The following SEL1L variants were observed in gnomAD, a reference collection of about 807,000 sequenced individuals.
The protein encoded by SEL1L is SEL1L adaptor subunit of SYVN1 ubiquitin ligase.
SEL1L carries 52 observed loss-of-function variants against 109.8 expected under a neutral mutation model. The ratio of observed to expected loss-of-function variants is 0.47; its 90% CI spans 0.38 to 0.60. The LOEUF is 0.60. Ranked by LOEUF, SEL1L falls within the 20% of genes least tolerant of loss-of-function variation. The pLI, the probability that SEL1L is intolerant of heterozygous loss-of-function variation, is 0.00. For missense variants in SEL1L, 749 were observed against 962.2 expected, an observed-to-expected ratio of 0.78 and a Z score of 2.93; for synonymous variants, 373 against 339.6, an observed-to-expected ratio of 1.10 and a Z score of -1.08.
In SEL1L at chr14:81,479,709, A is replaced by G; in HGVS notation, c.2078T>C (p.Met693Thr). 1 of 1,613,818 alleles carries G rather than the reference A, an allele frequency of 6.2e-7. No homozygotes were observed. Among genetic ancestry groups the G allele is most frequent in the Non-Finnish European group, 8.5e-7 (1 of 1,179,902 alleles). Residue 693 changes from methionine to threonine, a missense_variant, in exon 20 of 21, where the codon ATG becomes ACG. Met to Thr is a moderately conservative substitution (Grantham distance 81). Coordinates refer to ENST00000336735, the MANE Select transcript of SEL1L (RefSeq NM_005065.6). Reference sequence around the variant, plus strand: ...TGCATCTGGGCTGGCTTCAGCTGCCATGTCATAAAAACGTTTCGCAAGGTG... The same window carrying G: ...TGCATCTGGGCTGGCTTCAGCTGCCGTGTCATAAAAACGTTTCGCAAGGTG... ...DIHLAKRFYDMAAEASPDAQV... is the reference protein window; with the variant it reads ...DIHLAKRFYDTAAEASPDAQV...
rs1903119206 is a variant in SEL1L at position 81,475,139 on chromosome 14, C to T, written c.*1833G>A. Reference sequence around the variant, plus strand: ...GGGAGAAGGGACAGTGGTGGAGACACCAAAGTACTGTACCAACTGCACTCA... The same window carrying T: ...GGGAGAAGGGACAGTGGTGGAGACATCAAAGTACTGTACCAACTGCACTCA... On this transcript the variant is annotated 3_prime_UTR_variant, in exon 21 of 21. Coordinates refer to ENST00000336735, the MANE Select transcript of SEL1L (RefSeq NM_005065.6). 2 of 152,130 alleles carry T rather than the reference C, an allele frequency of 1.3e-5. No homozygotes were observed. Among genetic ancestry groups the T allele is most frequent in the Admixed American group, 1.3e-4 (2 of 15,266 alleles). The allele number at this position is 152,130 out of a possible 1,614,324, so 9.4% of individuals were successfully genotyped here.
At chr14:81,505,972 A>G in intron 4 of SEL1L, 102 bp downstream of exon 4, 1 of 1,197,248 alleles carries the variant, frequency 8.4e-7, no homozygotes, top group East Asian at 2.4e-5. Flanking sequence ...AATGCTGGCC[A>G]TTTCTGACCA....
rs1051193 is a variant in SEL1L at position 81,479,647 on chromosome 14, C to T, written c.2140G>A (p.Val714Ile). 0.017 allele frequency: 27,653 copies of T among 1,613,510 alleles called. 276 individuals carry two copies. Among genetic ancestry groups the T allele is most frequent in the Non-Finnish European group, 0.021 (24,615 of 1,179,680 alleles). The change falls in exon 20 of 21, where the codon GTC becomes ATC. Residue 714 changes from valine (V) to isoleucine (I), a missense_variant. By Grantham distance (29) the Val-to-Ile change is conservative. Around this residue, in one of 2 missense-constraint regions of SEL1L, gnomAD observed 383 missense variants for 562.5 expected, o/e 0.68. Coordinates refer to ENST00000336735, the MANE Select transcript of SEL1L (RefSeq NM_005065.6). Reference sequence around the variant, plus strand: ...CGTATGTACTGCAAGAAATAGACGACGCCCAATTTGCAGAGGGCTAGGAAG... The same window carrying T: ...CGTATGTACTGCAAGAAATAGACGATGCCCAATTTGCAGAGGGCTAGGAAG... ...PVFLALCKLG[V>I]VYFLQYIRET...
intron 20 of SEL1L, among the ~76,000 whole-genome samples, chr14:81,478,791 C>T (rs377338755): frequency 6.6e-6 from 1 of 152,208 alleles, no homozygotes; most frequent in East Asian, 1.9e-4. Flanking sequence ...GCAGCATGGA[C>T]TACATTTATA....
At chr14:81,484,998 G>GA in intron 18 of SEL1L, among the ~76,000 whole-genome samples, 1 of 152,314 alleles carries the variant, frequency 6.6e-6, no homozygotes, top group South Asian at 2.1e-4. Flanking sequence ...AACAGGCAGA[G>GA]AATGTTGAAA....
intron 6 of SEL1L, among the ~76,000 whole-genome samples, chr14:81,500,660 C>A (rs540736781): frequency 1.3e-5 from 2 of 152,182 alleles, no homozygotes; most frequent in African/African-American, 4.8e-5. Flanking sequence ...AAGACAACTC[C>A]CGCTATAGGT....
Position 81,474,723 on chromosome 14 carries a change from C to T in SEL1L, c.*2249G>A, listed in dbSNP as rs1157307674. On this transcript the variant is annotated 3_prime_UTR_variant, in exon 21 of 21. Transcript: ENST00000336735. ...TAAGAACTAAGTTATTTGAAAGACA[C>T]CATTCACAAACTGCTGGCAGCAAGT... 2 of 152,096 alleles carry T rather than the reference C, an allele frequency of 1.3e-5. No individual in the cohort carries two copies. Among genetic ancestry groups the T allele is most frequent in the Non-Finnish European group, 2.9e-5 (2 of 68,004 alleles). 9.4% of individuals were successfully genotyped at this position (152,096 alleles called of 1,614,324 possible). A position where few individuals can be genotyped will look rare whatever the true frequency, so the allele number is the denominator to read the frequency against.
In SEL1L at chr14:81,506,195, G is replaced by T; in HGVS notation, c.387C>A (p.Phe129Leu). Residue 129 changes from phenylalanine (F) to leucine (L), a missense_variant, in exon 4 of 21, where the codon TTC becomes TTA. Physicochemically the swap from Phe to Leu is conservative, Grantham distance 22. Coordinates refer to ENST00000336735, the MANE Select transcript of SEL1L (RefSeq NM_005065.6). ...ACTCCTTATCTAGGAAAAGAAAAGG[G>T]AAGTGGCAGGGCTCCCCATGTGCTG... Reference protein sequence around the residue: ...EGTAHGEPCHFPFLFLDKEYD... With the variant: ...EGTAHGEPCHLPFLFLDKEYD... 6.2e-7 allele frequency: 1 copy of T among 1,613,276 alleles called. No individual in the cohort carries two copies. The highest frequency in any genetic ancestry group is 8.5e-7 in the Non-Finnish European group (1 of 1,179,660).
rs1394669141 is a variant in SEL1L, at chr14:81,476,178, T to C, written c.*794A>G. 2 of 152,226 alleles carry C rather than the reference T, an allele frequency of 1.3e-5. No individual in the cohort carries two copies. The highest frequency in any genetic ancestry group is 2.9e-5 in the Non-Finnish European group (2 of 68,044). 9.4% of individuals were successfully genotyped at this position (152,226 alleles called of 1,614,324 possible). ...CATCCTCTGGCTTCTGGATCAAGGC[T>C]CTGTATATTCAAAACAAACAAGCAA... On this transcript the variant is annotated 3_prime_UTR_variant, in exon 21 of 21. Transcript: ENST00000336735.
chr14:81,499,146 T>A (rs1057251377), intron 8 of SEL1L: 1 of 1,066,916 alleles, frequency 9.4e-7, no homozygotes, highest in African/African-American at 1.7e-5. Context: ...ATTATGATAA[T>A]CTAATGTAAA....
intron 20 of SEL1L, 121 bp from the exon 21 acceptor site, chr14:81,477,302 A>AGTGTGT (rs1566968635): frequency 4.2e-5 from 17 of 403,928 alleles, no homozygotes; most frequent in African/African-American, 3.3e-4. Context: ...AACGTTTTGC[A>AGTGTGT]ATGTGTGTGT....
chr14:81,483,627 G>A (rs1326100213), intron 19 of SEL1L, among the ~76,000 whole-genome samples: 1 of 152,102 alleles, frequency 6.6e-6, no homozygotes, highest in African/African-American at 2.4e-5. Context: ...TTAAATTATT[G>A]TTATTTAGAT....
At chr14:81,513,117 C>T (rs147267006) in intron 3 of SEL1L, among the ~76,000 whole-genome samples, 4,036 of 152,258 alleles carry the variant, frequency 0.027, 75 homozygotes, top group Non-Finnish European at 0.041. Flanking sequence ...TAAGAACGCA[C>T]CAATCAGTGC....
intron 4 of SEL1L, among the ~76,000 whole-genome samples, chr14:81,505,715 T>C (rs1209715908): frequency 6.6e-6 from 1 of 152,208 alleles, no homozygotes; most frequent in East Asian, 1.9e-4. Flanking sequence ...TTTTAAAAAG[T>C]TATTTATTTT....
rs559323243 is a variant in SEL1L at position 81,532,410 on chromosome 14, C to T, written c.70+1265G>A. On this transcript the variant is annotated intron_variant, in intron 1 of 20. Transcript: ENST00000336735. The stretch of plus-strand genomic sequence containing the variant: ...CTCATTAAGCTCAACAGCTTCATTT[C>T]ATGCTTTTTGATCAAATATTAAATA... Among the ~76,000 whole-genome samples, 6 of 152,328 alleles carry T rather than the reference C, an allele frequency of 3.9e-5. No homozygotes were observed. In the South Asian group the frequency reaches 1.2e-3, roughly 32 times the overall value.
Position 81,473,825 on chromosome 14 carries a change from T to C in SEL1L, c.*3147A>G, listed in dbSNP as rs888765559. ...GCATGCATACTTCCAAAACACTGGT[T>C]TGAAGAATGAACATGAGGATAAAAG... On this transcript the variant is annotated 3_prime_UTR_variant, in exon 21 of 21. Coordinates refer to ENST00000336735, the MANE Select transcript of SEL1L (RefSeq NM_005065.6). The C allele has an allele frequency of 6.6e-6, 1 of 152,014 alleles. No individual in the cohort carries two copies. The highest frequency in any genetic ancestry group is 1.5e-5 in the Non-Finnish European group (1 of 67,996). The allele number at this position is 152,014 out of a possible 1,614,324, so 9.4% of individuals were successfully genotyped here.
rs778934871 is a variant in SEL1L, at chr14:81,472,850, T to C, written c.*4122A>G. On this transcript the variant is annotated 3_prime_UTR_variant, in exon 21 of 21. Coordinates refer to ENST00000336735, the MANE Select transcript of SEL1L (RefSeq NM_005065.6). ...TGAATTTCCAAAAAACATTAAAAAA[T>C]TGAATCATTCAGCTTAAAAAAAGTC... The C allele has an allele frequency of 1.7e-5, 4 of 237,254 alleles. No homozygotes were observed. Among genetic ancestry groups the C allele is most frequent in the Non-Finnish European group, 3.4e-5 (4 of 118,898 alleles). The allele number at this position is 237,254 out of a possible 1,614,324, so 14.7% of individuals were successfully genotyped here.
chr14:81,487,736 G>A, intron 15 of SEL1L, 119 bp downstream of exon 15: 31 of 1,523,630 alleles, frequency 2.0e-5, no homozygotes, highest in Non-Finnish European at 2.5e-5. Context: ...CATTGAACTG[G>A]GAGAACATTT....
intron 8 of SEL1L, chr14:81,499,172 T>C (rs1883900049): frequency 1.8e-6 from 2 of 1,139,138 alleles, no homozygotes; most frequent in East Asian, 8.9e-5. Context: ...ATTCTGACAA[T>C]TCCAACTCAG....
Sources: allele counts gnomAD v4.1 joint callset (sites outside exome capture counted in the v4.1 genomes callset), GRCh38; gene constraint gnomAD v4.1.1; regional missense constraint gnomAD v4.1.1; transcripts MANE v1.5; gene names NCBI Gene and HGNC (gene_info 2026-07-23, HGNC 2026-07-21).